EFCAB5: variants seen among roughly 807,000 people sequenced by gnomAD.
EFCAB5 encodes EF-hand calcium binding domain 5.
EFCAB5 carries 131 observed loss-of-function variants against 167.9 expected under a neutral mutation model. The ratio of observed to expected loss-of-function variants is 0.78; its 90% CI spans 0.68 to 0.90. EFCAB5 has a LOEUF of 0.90. EFCAB5 is among the 40% of genes least tolerant of loss of function. The probability of loss-of-function intolerance (pLI) is 0.00; values close to 1 mark genes in which losing one functional copy is unlikely to be tolerated. For synonymous variants in EFCAB5, 574 were observed against 602.8 expected (o/e 0.95, Z 0.70); for missense variants, 1,663 against 1,745.2 (o/e 0.95, Z 0.84).
At chr17:30,009,053 T>C (rs1407539725) in intron 7 of EFCAB5, among the ~76,000 whole-genome samples, 1 of 152,230 alleles carries the variant, frequency 6.6e-6, no homozygotes, top group African/African-American at 2.4e-5. Flanking sequence ...TTGCCTTTTC[T>C]TCTCCTGTCT....
At chr17:30,068,815 CTG>C in intron 14 of EFCAB5, 2 of 1,382,618 alleles carry the variant, frequency 1.4e-6, no homozygotes, top group African/African-American at 1.4e-5. Context: ...CAGTGGCAAA[CTG>C]AGAGATTTTC....
At chr17:30,004,590 A>G (rs527932661) in intron 7 of EFCAB5, among the ~76,000 whole-genome samples, 1 of 150,524 alleles carries the variant, frequency 6.6e-6, no homozygotes, top group African/African-American at 2.4e-5. Context: ...TTTTTATTCA[A>G]TAACCCTCAC....
intron 14 of EFCAB5, among the ~76,000 whole-genome samples, chr17:30,068,060 CTT>C (rs2070624024): frequency 6.6e-6 from 1 of 152,240 alleles, no homozygotes; most frequent in African/African-American, 2.4e-5. Flanking sequence ...AATCCCAGGA[CTT>C]TGGGAGGCGG....
chr17:29,986,882 C>T (rs1275410579), intron 4 of EFCAB5, among the ~76,000 whole-genome samples: 2 of 151,962 alleles, frequency 1.3e-5, no homozygotes, highest in Non-Finnish European at 2.9e-5. Flanking sequence ...CTCCTGACCT[C>T]GTGATCCGCC....
chr17:30,080,382 G>A, intron 16 of EFCAB5, 141 bp downstream of exon 16: 5 of 852,666 alleles, frequency 5.9e-6, no homozygotes, highest in Non-Finnish European at 8.6e-6. Context: ...GAAGCTGATG[G>A]CTTCCAGTCC....
intron 1 of EFCAB5, among the ~76,000 whole-genome samples, chr17:29,935,350 G>T (rs2067236502): frequency 6.6e-6 from 1 of 152,120 alleles, no homozygotes; most frequent in Non-Finnish European, 1.5e-5. Flanking sequence ...CATAAGGCTA[G>T]GAATTTGAGA....
At chr17:29,948,091 G>T (rs973568841) in intron 3 of EFCAB5, among the ~76,000 whole-genome samples, 1 of 152,168 alleles carries the variant, frequency 6.6e-6, no homozygotes, top group Non-Finnish European at 1.5e-5. Context: ...CTCCCAAAGT[G>T]CTGGGATTAC....
chr17:30,052,889 A>C (rs939526046), intron 9 of EFCAB5, among the ~76,000 whole-genome samples: 2 of 152,268 alleles, frequency 1.3e-5, no homozygotes, highest in African/African-American at 2.4e-5. Context: ...TATATTTGAC[A>C]TGAAAGATGT....
At chr17:29,958,682 G>A (rs942190220) in intron 3 of EFCAB5, among the ~76,000 whole-genome samples, 2 of 152,104 alleles carry the variant, frequency 1.3e-5, no homozygotes, top group East Asian at 1.9e-4. Context: ...TGATGTTTGT[G>A]GATGTTCATT....
intron 4 of EFCAB5, among the ~76,000 whole-genome samples, chr17:29,986,157 A>G (rs1158490317): frequency 6.6e-6 from 1 of 152,168 alleles, no homozygotes; most frequent in Non-Finnish European, 1.5e-5. Context: ...TACTTTAAAT[A>G]TTTGTTCTTT....
At chr17:29,954,792 A>G (rs773792583) in intron 3 of EFCAB5, among the ~76,000 whole-genome samples, 1 of 152,244 alleles carries the variant, frequency 6.6e-6, no homozygotes, top group Non-Finnish European at 1.5e-5. Context: ...GTTCAATGCT[A>G]GCCTGTGAAA....
intron 7 of EFCAB5, among the ~76,000 whole-genome samples, chr17:30,003,577 G>GAA (rs80181636): frequency 2.1e-5 from 2 of 95,840 alleles, no homozygotes; most frequent in Non-Finnish European, 4.5e-5. Context: ...GGGAGAAAAA[G>GAA]AAAAAAAAAA....
chr17:29,969,415 A>G lies in EFCAB5; in HGVS notation c.767+48A>G, dbSNP rs575529508. 22 of 1,425,080 alleles carry G rather than the reference A, an allele frequency of 1.5e-5. No homozygotes were observed. The South Asian group carries it at 3.3e-4, about 21-fold the overall frequency. 88.3% of individuals were successfully genotyped at this position (1,425,080 alleles called of 1,614,324 possible). Reference sequence around the variant, plus strand: ...TTCATGATCTGTCTCCTTACATTGAAAAACTAGTAGAAAAAATAACATAAT... The same window carrying G: ...TTCATGATCTGTCTCCTTACATTGAGAAACTAGTAGAAAAAATAACATAAT... On this transcript the variant is annotated intron_variant, in intron 4 of 22. Transcript: ENST00000394835.
chr17:29,958,837 C>T (rs959879263), intron 3 of EFCAB5, among the ~76,000 whole-genome samples: 1 of 152,184 alleles, frequency 6.6e-6, no homozygotes, highest in South Asian at 2.1e-4. Context: ...GCAGCCATAT[C>T]TGCATTAGAG....
rs188511014 is a variant in EFCAB5, at chr17:30,080,361, C to T, written c.3197+120C>T. ...AGAGAGGTGCCTCAAGTCACCAGTG[C>T]TTCTGGAGTAGAAGCTGATGGCTTC... On this transcript the variant is annotated intron_variant, in intron 16 of 22. Coordinates refer to ENST00000394835, the MANE Select transcript of EFCAB5 (RefSeq NM_198529.4). 236 of 1,062,556 alleles carry T rather than the reference C, an allele frequency of 2.2e-4. 2 individuals carry two copies. In the East Asian group the frequency reaches 5.6e-3, roughly 25 times the overall value. 65.8% of individuals were successfully genotyped at this position (1,062,556 alleles called of 1,614,324 possible).
intron 4 of EFCAB5, among the ~76,000 whole-genome samples, chr17:29,976,318 T>C (rs2068063031): frequency 6.6e-6 from 1 of 152,140 alleles, no homozygotes. Flanking sequence ...CTTAGGGTCA[T>C]TTGAGGCTTG....
At position 30,059,531 on chromosome 17, in the gene EFCAB5, T is replaced by C. The variant is rs1438117457; in HGVS notation, c.2581-14T>C. 6.3e-7 allele frequency: 1 copy of C among 1,592,994 alleles called. No homozygotes were observed. The highest frequency in any genetic ancestry group is 8.5e-7 in the Non-Finnish European group (1 of 1,169,732). On this transcript the variant is annotated splice_polypyrimidine_tract_variant and intron_variant, in intron 13 of 22. Transcript: ENST00000394835. ...ATATATCTTCCGTGCTTTATTATCCTGTTTGTATCCTAGTTTAGCCAAAAT... is the reference window on the plus strand; with the variant it reads ...ATATATCTTCCGTGCTTTATTATCCCGTTTGTATCCTAGTTTAGCCAAAAT...
At position 30,001,882 on chromosome 17, in the gene EFCAB5, T is replaced by C. The variant is rs146190602; in HGVS notation, c.1044+1906T>C. 1.7e-3 allele frequency among the ~76,000 whole-genome samples: 258 copies of C among 152,340 alleles called. 1 individual carries two copies. The highest frequency in any genetic ancestry group is 2.6e-3 in the Non-Finnish European group (176 of 68,036). On this transcript the variant is annotated intron_variant, in intron 7 of 22. Transcript: ENST00000394835. ...TAATCGTCACACAACTCAGTTATTATTATGTTCATTTTGCAAATGAGACCT... is the reference window on the plus strand; with the variant it reads ...TAATCGTCACACAACTCAGTTATTACTATGTTCATTTTGCAAATGAGACCT...
chr17:30,022,196 T>C (rs780674612), intron 7 of EFCAB5, among the ~76,000 whole-genome samples: 3 of 152,164 alleles, frequency 2.0e-5, no homozygotes, highest in Non-Finnish European at 4.4e-5. Flanking sequence ...CTTTAGAATG[T>C]TTACTTCTGG....
Sources: gnomAD v4.1 joint callset for allele counts (sites outside exome capture counted in the v4.1 genomes callset) on GRCh38, gnomAD v4.1.1 for gene constraint, MANE v1.5 for transcripts, NCBI Gene and HGNC (gene_info 2026-07-23, HGNC 2026-07-21) for gene names.